CNTNAP2: variants seen among roughly 807,000 people sequenced by gnomAD.
The protein encoded by CNTNAP2 is contactin associated protein 2.
A neutral mutation model predicts 155.2 loss-of-function variants in CNTNAP2; 98 were observed. That is an observed-to-expected ratio of 0.63 (90% CI 0.54 to 0.75). The LOEUF (loss-of-function observed/expected upper bound fraction) is 0.75, where lower values mean the gene tolerates loss of function less well. Among genes scored for constraint, CNTNAP2 ranks in the 30% least tolerant of loss-of-function variants. The pLI is 0.00. For synonymous variants in CNTNAP2, 651 were observed against 631.2 expected (o/e 1.03, Z -0.47); for missense variants, 1,727 against 1,688.1 (o/e 1.02, Z -0.40).
At chr7:147,371,816 C>T (rs539782177) in intron 9 of CNTNAP2, among the ~76,000 whole-genome samples, 1 of 152,068 alleles carries the variant, frequency 6.6e-6, no homozygotes, top group South Asian at 2.1e-4. Context: ...AGAGTGTGTG[C>T]ATTTTGTTAT....
intron 1 of CNTNAP2, among the ~76,000 whole-genome samples, chr7:146,664,543 T>C (rs1800154363): frequency 6.6e-6 from 1 of 152,216 alleles, no homozygotes; most frequent in South Asian, 2.1e-4. Context: ...ATGTTTTATA[T>C]ATTGCTGGAT....
chr7:147,216,618 G>A (rs910999809), intron 8 of CNTNAP2, among the ~76,000 whole-genome samples: 4 of 151,800 alleles, frequency 2.6e-5, no homozygotes, highest in Admixed American at 6.6e-5. Context: ...TAATATCAAA[G>A]CTTCAACTTT....
chr7:147,153,523 G>A (rs1801866034), intron 8 of CNTNAP2, among the ~76,000 whole-genome samples: 1 of 151,978 alleles, frequency 6.6e-6, no homozygotes, highest in Non-Finnish European at 1.5e-5. Flanking sequence ...GTAGATATCT[G>A]GGGGAAAAAC....
chr7:147,308,667 A>T (rs1205592638), intron 9 of CNTNAP2, among the ~76,000 whole-genome samples: 1 of 152,182 alleles, frequency 6.6e-6, no homozygotes, highest in African/African-American at 2.4e-5. Flanking sequence ...CTTTTGACCT[A>T]TACATCCTAA....
At position 148,418,443 on chromosome 7, in the gene CNTNAP2, A is replaced by G. The variant is rs1477930939; in HGVS notation, c.*2827A>G. 6.6e-6 allele frequency: 1 copy of G among 152,206 alleles called. No homozygotes were observed. Among genetic ancestry groups the G allele is most frequent in the East Asian group, 1.9e-4 (1 of 5,200 alleles). 9.4% of individuals were successfully genotyped at this position (152,206 alleles called of 1,614,324 possible). Reference sequence around the variant, plus strand: ...TTAAATAATATGTATAGACAACAACAACGACAAAAAATAGACTGTTTTAAA... The same window carrying G: ...TTAAATAATATGTATAGACAACAACGACGACAAAAAATAGACTGTTTTAAA... On this transcript the variant is annotated 3_prime_UTR_variant, in exon 24 of 24. Coordinates refer to ENST00000361727, the MANE Select transcript of CNTNAP2 (RefSeq NM_014141.6).
chr7:147,339,461 G>A (rs1456363973), intron 9 of CNTNAP2, among the ~76,000 whole-genome samples: 1 of 152,048 alleles, frequency 6.6e-6, no homozygotes, highest in Non-Finnish European at 1.5e-5. Flanking sequence ...GCAGCACAAG[G>A]CCCTCACCAG....
intron 1 of CNTNAP2, among the ~76,000 whole-genome samples, chr7:146,278,876 T>A (rs1800205650): frequency 6.6e-6 from 1 of 152,192 alleles, no homozygotes; most frequent in Admixed American, 6.5e-5. Flanking sequence ...GAATGCCATC[T>A]TGTTATTTTC....
At chr7:148,361,497 C>T (rs1006769134) in intron 21 of CNTNAP2, among the ~76,000 whole-genome samples, 2 of 152,108 alleles carry the variant, frequency 1.3e-5, no homozygotes, top group Admixed American at 1.3e-4. Flanking sequence ...AGAGGGGGAA[C>T]TGTTCTTCTC....
At chr7:146,801,218 G>A (rs373585670) in intron 2 of CNTNAP2, among the ~76,000 whole-genome samples, 204 of 152,152 alleles carry the variant, frequency 1.3e-3, no homozygotes, top group African/African-American at 4.5e-3. Flanking sequence ...TAAACAACTA[G>A]CTCTGACATG....
intron 9 of CNTNAP2, among the ~76,000 whole-genome samples, chr7:147,322,940 A>T (rs1795380212): frequency 1.2e-5 from 1 of 82,662 alleles, no homozygotes. Flanking sequence ...ATCATTTTTT[A>T]TTGTGTCTAT....
chr7:148,072,459 A>C (rs941733861), intron 15 of CNTNAP2, among the ~76,000 whole-genome samples: 6 of 152,238 alleles, frequency 3.9e-5, no homozygotes, highest in African/African-American at 1.2e-4. Context: ...AATCTTTTTT[A>C]TAGACACTAA....
rs147262184 is a variant in CNTNAP2, at chr7:148,102,190, C to G, written c.2384-15928C>G. Reference sequence around the variant, plus strand: ...GTTTCCTTCTTTGTGTCCCTGTGTTCTCATCATTTAACTCCCACTTATAAG... The same window carrying G: ...GTTTCCTTCTTTGTGTCCCTGTGTTGTCATCATTTAACTCCCACTTATAAG... On this transcript the variant is annotated intron_variant, in intron 15 of 23. Coordinates refer to ENST00000361727, the MANE Select transcript of CNTNAP2 (RefSeq NM_014141.6). Among the ~76,000 whole-genome samples, 59 of 152,264 alleles carry G rather than the reference C, an allele frequency of 3.9e-4. No homozygotes were observed. The East Asian group carries it at 9.3e-3, about 24-fold the overall frequency.
intron 12 of CNTNAP2, among the ~76,000 whole-genome samples, chr7:147,582,777 C>T (rs1216556454): frequency 2.6e-5 from 4 of 152,084 alleles, no homozygotes; most frequent in Admixed American, 2.6e-4. Flanking sequence ...TCTTTCTGAA[C>T]TAACCATATC....
intron 22 of CNTNAP2, among the ~76,000 whole-genome samples, chr7:148,388,387 A>G (rs2116671038): frequency 6.8e-6 from 1 of 148,100 alleles, no homozygotes; most frequent in Non-Finnish European, 1.5e-5. Context: ...GAGTGAGAAC[A>G]TGCGGTGTTT....
chr7:148,335,756 T>C (rs1798105317), intron 21 of CNTNAP2, among the ~76,000 whole-genome samples: 1 of 152,232 alleles, frequency 6.6e-6, no homozygotes, highest in South Asian at 2.1e-4. Flanking sequence ...ACATTTGAAT[T>C]TAGAGACAAT....
chr7:148,065,786 A>G (rs181306224), intron 15 of CNTNAP2, among the ~76,000 whole-genome samples: 2 of 152,272 alleles, frequency 1.3e-5, no homozygotes, highest in African/African-American at 4.8e-5. Context: ...TACATTCAAC[A>G]TTAGTATTGA....
chr7:146,777,947 A>G (rs1802419543), intron 2 of CNTNAP2, among the ~76,000 whole-genome samples: 2 of 152,128 alleles, frequency 1.3e-5, no homozygotes, highest in Non-Finnish European at 2.9e-5. Flanking sequence ...TCTGGAAGAT[A>G]TAAAGAAGAC....
chr7:146,521,441 C>T (rs1203538035), intron 1 of CNTNAP2, among the ~76,000 whole-genome samples: 4 of 151,880 alleles, frequency 2.6e-5, no homozygotes, highest in African/African-American at 9.7e-5. Flanking sequence ...CCAAAATCAA[C>T]TGAATAATTT....
chr7:148,028,245 A>C (rs767292444), intron 15 of CNTNAP2, among the ~76,000 whole-genome samples: 5 of 152,226 alleles, frequency 3.3e-5, no homozygotes, highest in Non-Finnish European at 5.9e-5. Flanking sequence ...ATAGAAGGTG[A>C]CTAGAGTAAC....
Sources: allele counts gnomAD v4.1 joint callset (sites outside exome capture counted in the v4.1 genomes callset), GRCh38; gene constraint gnomAD v4.1.1; transcripts MANE v1.5; gene names NCBI Gene and HGNC (gene_info 2026-07-23, HGNC 2026-07-21).